Variants in B4GALT6 observed in about 807,000 individuals in gnomAD.
B4GALT6 encodes beta-1,4-galactosyltransferase 6.
Under a neutral mutation model 46.3 loss-of-function variants are expected in B4GALT6, and 14 were observed. The ratio of observed to expected loss-of-function variants is 0.30; its 90% confidence interval spans 0.20 to 0.47. The LOEUF (loss-of-function observed/expected upper bound fraction) is 0.47. B4GALT6 is among the 20% of genes least tolerant of loss of function. B4GALT6 has a pLI of 0.99. For missense variants in B4GALT6, 386 were observed against 480.1 expected, an observed-to-expected ratio of 0.80 and a Z score of 1.83; for synonymous variants, 168 against 162.0, an observed-to-expected ratio of 1.04 and a Z score of -0.28.
At chr18:31,656,586 CA>C (rs2074142550) in intron 3 of B4GALT6, among the ~76,000 whole-genome samples, 1 of 151,194 alleles carries the variant, frequency 6.6e-6, no homozygotes, top group Admixed American at 6.6e-5. Context: ...AGGTTAAAAA[CA>C]AAATAGTAAA....
the B4GALT6 span, among the ~76,000 whole-genome samples, chr18:31,699,704 C>A: frequency 1.4e-5 from 2 of 139,878 alleles, no homozygotes; most frequent in South Asian, 2.3e-4. Flanking sequence ...AAGGAAGAAA[C>A]AGTGGTGACG....
At chr18:31,715,000 T>C in the B4GALT6 span, among the ~76,000 whole-genome samples, 3 of 152,172 alleles carry the variant, frequency 2.0e-5, no homozygotes, top group South Asian at 2.1e-4. Flanking sequence ...AAACAATGAA[T>C]TTGTTTATTA....
At chr18:31,700,435 T>TGTGTGTGTGTGTGTGTG in the B4GALT6 span, among the ~76,000 whole-genome samples, 1 of 139,468 alleles carries the variant, frequency 7.2e-6, no homozygotes, top group African/African-American at 2.6e-5. Context: ...AATTGACTAT[T>TGTGTGTGTGTGTGTGTG]TGTGTGTGTG....
chr18:31,622,652 A>C lies in B4GALT6; in HGVS notation c.*2962T>G, dbSNP rs1411846096. ...AAATATCAGTATCTTGGCTGGCAAA[A>C]GGGTATATAAGGAAATTTTTAATAC... On this transcript the variant is annotated 3_prime_UTR_variant, in exon 9 of 9. Transcript: ENST00000306851. 1.3e-5 allele frequency: 2 copies of C among 152,056 alleles called. No individual in the cohort carries two copies. The highest frequency in any genetic ancestry group is 4.8e-5 in the African/African-American group (2 of 41,436). The allele number at this position is 152,056 out of a possible 1,614,324, so 9.4% of individuals were successfully genotyped here. A position where few individuals can be genotyped will look rare whatever the true frequency, so the allele number is the denominator to read the frequency against.
Position 31,668,802 on chromosome 18 carries a change from C to A in B4GALT6, c.116-2430G>T, listed in dbSNP as rs1484761072. Among the ~76,000 whole-genome samples the A allele has an allele frequency of 7.3e-5, 11 of 151,064 alleles. 1 individual carries two copies. The highest frequency in any genetic ancestry group is 2.4e-4 in the African/African-American group (10 of 41,148). On this transcript the variant is annotated intron_variant, in intron 1 of 8. Transcript: ENST00000306851. ...ATCTCTTGAGGTCAGGAGTTTGAGA[C>A]CAGCCTGGCCAACATGGTGAAATGC... is the stretch of plus-strand genomic sequence containing the variant.
intron 3 of B4GALT6, among the ~76,000 whole-genome samples, chr18:31,656,616 AG>A (rs2074142932): frequency 6.6e-6 from 1 of 152,132 alleles, no homozygotes; most frequent in Admixed American, 6.5e-5. Flanking sequence ...AAGGAAATAA[AG>A]GTATTTATCT....
chr18:31,704,409 T>A, the B4GALT6 span, among the ~76,000 whole-genome samples: 1 of 151,882 alleles, frequency 6.6e-6, no homozygotes, highest in East Asian at 1.9e-4. Context: ...GATGGGGTCT[T>A]ACCAGGCTGG....
the B4GALT6 span, among the ~76,000 whole-genome samples, chr18:31,706,000 T>C: frequency 2.0e-5 from 3 of 152,336 alleles, no homozygotes; most frequent in Admixed American, 1.3e-4. Flanking sequence ...TACATTGGAA[T>C]GAGAATCATG....
At chr18:31,670,292 C>T (rs1020881527) in intron 1 of B4GALT6, among the ~76,000 whole-genome samples, 2 of 152,088 alleles carry the variant, frequency 1.3e-5, no homozygotes, top group African/African-American at 4.8e-5. Flanking sequence ...TGAGCTCAGG[C>T]AATCCGCCCG....
chr18:31,642,991 A>G (rs1181802747), intron 4 of B4GALT6, among the ~76,000 whole-genome samples: 2 of 152,236 alleles, frequency 1.3e-5, no homozygotes, highest in Non-Finnish European at 2.9e-5. Context: ...GGCCTCAAAT[A>G]TTAAGAATCA....
chr18:31,667,662 A>C (rs2074297611), intron 1 of B4GALT6, among the ~76,000 whole-genome samples: 1 of 152,212 alleles, frequency 6.6e-6, no homozygotes, highest in South Asian at 2.1e-4. Context: ...ACAGAAATCC[A>C]GGTTTCACAT....
chr18:31,714,350 C>T, the B4GALT6 span, among the ~76,000 whole-genome samples: 13 of 152,312 alleles, frequency 8.5e-5, no homozygotes, highest in African/African-American at 3.1e-4. Flanking sequence ...TGCACTAGAA[C>T]GCTAAAGTTA....
In B4GALT6 at chr18:31,645,470, A is replaced by T; in HGVS notation, c.356T>A (p.Leu119His). 1 of 1,607,062 alleles carries T rather than the reference A, an allele frequency of 6.2e-7. No individual in the cohort carries two copies. The highest frequency in any genetic ancestry group is 1.1e-5 in the South Asian group (1 of 88,660). ...ACTGACTTCGCTTACATTGACATTG[A>T]GGAATCCTCCTACAAATTAAAAATG... is the stretch of plus-strand genomic sequence containing the variant. Reference protein sequence around the residue: ...PEKLPYMRGFLNVNVSEVSFD... With the variant: ...PEKLPYMRGFHNVNVSEVSFD... The change falls in exon 4 of 9, where the codon CTC becomes CAC. Residue 119 changes from leucine (L) to histidine (H), a missense_variant. Physicochemically the swap from Leu to His is moderately conservative, Grantham distance 99. Coordinates refer to ENST00000306851, the MANE Select transcript of B4GALT6 (RefSeq NM_004775.5).
intron 2 of B4GALT6, 120 bp downstream of exon 2, chr18:31,666,136 C>A (rs541886668): frequency 1.8e-6 from 1 of 543,590 alleles, no homozygotes; most frequent in Non-Finnish European, 3.3e-6. Context: ...TCTACCAGGA[C>A]GCTTAGGGGA....
At chr18:31,692,456 T>C in the B4GALT6 span, among the ~76,000 whole-genome samples, 7 of 152,244 alleles carry the variant, frequency 4.6e-5, no homozygotes, top group Non-Finnish European at 8.8e-5. Flanking sequence ...TTCTAAGAGC[T>C]AATGGGATTG....
chr18:31,661,917 A>G (rs1365385830), intron 2 of B4GALT6, among the ~76,000 whole-genome samples: 2 of 152,176 alleles, frequency 1.3e-5, no homozygotes, highest in East Asian at 1.9e-4. Flanking sequence ...CTTACTCTGC[A>G]TAATTTATTA....
intron 3 of B4GALT6, among the ~76,000 whole-genome samples, chr18:31,655,504 G>A (rs1037867962): frequency 1.2e-4 from 18 of 152,170 alleles, no homozygotes; most frequent in African/African-American, 2.9e-4. Context: ...CAGCAGCCAC[G>A]CACGACGCAA....
At chr18:31,696,132 A>G in the B4GALT6 span, among the ~76,000 whole-genome samples, 2 of 152,242 alleles carry the variant, frequency 1.3e-5, no homozygotes, top group African/African-American at 4.8e-5. Context: ...GAACAATATC[A>G]TCACAAAAAT....
At chr18:31,697,258 C>G in the B4GALT6 span, among the ~76,000 whole-genome samples, 1 of 151,920 alleles carries the variant, frequency 6.6e-6, no homozygotes, top group South Asian at 2.1e-4. Context: ...GGAGTGAGAC[C>G]CTGTCTCCCC....
Sources: gnomAD v4.1 joint callset for allele counts (sites outside exome capture counted in the v4.1 genomes callset) on GRCh38, gnomAD v4.1.1 for gene constraint, MANE v1.5 for transcripts, NCBI Gene and HGNC (gene_info 2026-07-23, HGNC 2026-07-21) for gene names.